Variants in TEX36 observed in about 807,000 individuals in gnomAD.
TEX36 encodes the protein testis-expressed protein 36.
Under a neutral mutation model 13.6 loss-of-function variants are expected in TEX36, and 12 were observed. That is an observed-to-expected ratio of 0.88 (90% CI 0.56 to 1.43). TEX36 has a LOEUF of 1.43. TEX36 is among the 40% of genes most tolerant of loss of function. The pLI is 0.00. For synonymous variants in TEX36, 93 were observed against 83.0 expected, an observed-to-expected ratio of 1.12 and a Z score of -0.65; for missense variants, 224 against 228.3, an observed-to-expected ratio of 0.98 and a Z score of 0.12.
chr10:125,589,341 T>C (rs1484713754), intron 3 of TEX36, among the ~76,000 whole-genome samples: 3 of 152,186 alleles, frequency 2.0e-5, no homozygotes, highest in Non-Finnish European at 4.4e-5. Flanking sequence ...TATTCTTATC[T>C]TTTTTCTGTG....
chr10:125,600,472 C>T (rs896140033), intron 3 of TEX36, among the ~76,000 whole-genome samples: 2 of 152,058 alleles, frequency 1.3e-5, no homozygotes, highest in Admixed American at 6.5e-5. Context: ...GACTCCTGAG[C>T]CTGTTGTACT....
Position 125,599,053 on chromosome 10 carries a change from A to G in TEX36, c.265-22179T>C, listed in dbSNP as rs144255049. Among the ~76,000 whole-genome samples, 74 of 152,304 alleles carry G rather than the reference A, an allele frequency of 4.9e-4. 1 individual carries two copies. The East Asian group carries it at 8.3e-3, about 17-fold the overall frequency. ...GTACCCCCTGCCTTCTGCTACCTGA[A>G]GAGTCACTCACTGAAAGATGAAAAG... On this transcript the variant is annotated intron_variant, in intron 3 of 3. Coordinates refer to the TEX36 transcript ENST00000532135.
In TEX36 at chr10:125,593,537, A is replaced by G. The variant is rs1277921734; in HGVS notation, c.265-16663T>C. 2.4e-4 allele frequency among the ~76,000 whole-genome samples: 37 copies of G among 152,224 alleles called. 1 individual carries two copies. Among genetic ancestry groups the G allele is most frequent in the Admixed American group, 2.4e-3 (37 of 15,288 alleles). On this transcript the variant is annotated intron_variant, in intron 3 of 3. Transcript: ENST00000532135. ...TGTTATGAAATTCAAACAGGCTAATACATTAGAAAATTCGTGGATGGTGCA... is the reference window on the plus strand; with the variant it reads ...TGTTATGAAATTCAAACAGGCTAATGCATTAGAAAATTCGTGGATGGTGCA...
At chr10:125,636,425 A>T (rs1031920298) in intron 3 of TEX36, among the ~76,000 whole-genome samples, 6 of 149,876 alleles carry the variant, frequency 4.0e-5, no homozygotes, top group African/African-American at 1.5e-4. Flanking sequence ...CGTGTTAGCC[A>T]GGATGGTCTC....
chr10:125,595,026 T>C (rs963214919), intron 3 of TEX36, among the ~76,000 whole-genome samples: 3 of 152,198 alleles, frequency 2.0e-5, no homozygotes, highest in Admixed American at 6.5e-5. Context: ...ATAGTCACAA[T>C]TAAGATTTTA....
chr10:125,660,274 A>G (rs1847012912), intron 3 of TEX36, among the ~76,000 whole-genome samples: 2 of 151,916 alleles, frequency 1.3e-5, no homozygotes, highest in African/African-American at 4.8e-5. Context: ...ACAGGCATGC[A>G]CCACCACACC....
rs563737942 is a variant in TEX36, at chr10:125,605,802, A to C, written c.265-28928T>G. 2.4e-3 allele frequency among the ~76,000 whole-genome samples: 359 copies of C among 152,190 alleles called. 2 individuals are homozygous for C. Among genetic ancestry groups the C allele is most frequent in the African/African-American group, 8.3e-3 (346 of 41,510 alleles). ...TTTTTAGTAGAGACGGGGTTTCACCATGTTGGCCAGGCTGGTCTCGAACTC... is the reference window on the plus strand; with the variant it reads ...TTTTTAGTAGAGACGGGGTTTCACCCTGTTGGCCAGGCTGGTCTCGAACTC... On this transcript the variant is annotated intron_variant, in intron 3 of 3. Transcript: ENST00000532135.
chr10:125,664,919 T>C (rs1403478565), intron 1 of TEX36, among the ~76,000 whole-genome samples: 1 of 152,210 alleles, frequency 6.6e-6, no homozygotes, highest in Non-Finnish European at 1.5e-5. Flanking sequence ...TTAACTGGGG[T>C]GAGATGATAT....
intron 3 of TEX36, among the ~76,000 whole-genome samples, chr10:125,649,802 A>T (rs942309701): frequency 6.6e-6 from 1 of 152,182 alleles, no homozygotes; most frequent in African/African-American, 2.4e-5. Flanking sequence ...ATGAAGGAAG[A>T]TCTACGAAGC....
At chr10:125,601,576 T>A (rs889154730) in intron 3 of TEX36, among the ~76,000 whole-genome samples, 1 of 152,280 alleles carries the variant, frequency 6.6e-6, no homozygotes, top group Admixed American at 6.5e-5. Flanking sequence ...TTATTACCTA[T>A]GCACAATGGT....
At chr10:125,658,676 A>G (rs1432132435) in intron 3 of TEX36, among the ~76,000 whole-genome samples, 2 of 152,126 alleles carry the variant, frequency 1.3e-5, no homozygotes, top group African/African-American at 4.8e-5. Context: ...TATACTCTGA[A>G]ATTTACCATA....
intron 3 of TEX36, among the ~76,000 whole-genome samples, chr10:125,646,213 C>CTGG (rs1846766110): frequency 6.6e-6 from 1 of 152,082 alleles, no homozygotes; most frequent in Non-Finnish European, 1.5e-5. Context: ...GTAGTTCCAG[C>CTGG]TACTTGGGAG....
intron 3 of TEX36, among the ~76,000 whole-genome samples, chr10:125,605,833 C>T (rs1425910917): frequency 7.9e-5 from 12 of 152,308 alleles, no homozygotes; most frequent in South Asian, 2.1e-4. Flanking sequence ...AACTCCTGAC[C>T]TCAGGTGATC....
intron 1 of TEX36, among the ~76,000 whole-genome samples, chr10:125,673,887 T>G (rs151200333): frequency 5.3e-5 from 8 of 152,068 alleles, no homozygotes; most frequent in African/African-American, 1.9e-4. Context: ...GAGAATCTGA[T>G]GATTATGTGT....
At chr10:125,668,124 T>C (rs541270092) in intron 1 of TEX36, among the ~76,000 whole-genome samples, 2 of 85,494 alleles carry the variant, frequency 2.3e-5, no homozygotes, top group Non-Finnish European at 1.8e-5. Flanking sequence ...GTAGTTGTCT[T>C]TTTTTTGTTG....
chr10:125,611,715 A>G (rs1032410826), intron 3 of TEX36, among the ~76,000 whole-genome samples: 7 of 152,144 alleles, frequency 4.6e-5, no homozygotes. Flanking sequence ...GAAGCTTTAA[A>G]TGTTGACAGG....
At chr10:125,655,087 T>A (rs575214922), downstream of TEX36, among the ~76,000 whole-genome samples, 216 of 152,318 alleles carry the variant, frequency 1.4e-3, 1 homozygote, top group African/African-American at 4.6e-3. Context: ...AGCGATTTTT[T>A]AAAAAATCAG....
intron 3 of TEX36, among the ~76,000 whole-genome samples, chr10:125,659,980 G>A (rs1374910391): frequency 6.6e-6 from 1 of 152,158 alleles, no homozygotes; most frequent in Non-Finnish European, 1.5e-5. Flanking sequence ...TATGTGAGTT[G>A]TCTACGTTGA....
chr10:125,613,594 T>C (rs1016661644), intron 3 of TEX36, among the ~76,000 whole-genome samples: 1 of 151,890 alleles, frequency 6.6e-6, no homozygotes, highest in Non-Finnish European at 1.5e-5. Flanking sequence ...TCCATGTCCC[T>C]ACAAAGGACA....
Sources: allele counts gnomAD v4.1 joint callset (sites outside exome capture counted in the v4.1 genomes callset), GRCh38; gene constraint gnomAD v4.1.1; transcripts MANE v1.5; gene names NCBI Gene and HGNC (gene_info 2026-07-23, HGNC 2026-07-21).